ADARB2: variants seen among roughly 807,000 people sequenced by gnomAD.
The protein encoded by ADARB2 is adenosine deaminase RNA specific B2 (inactive).
Under a neutral mutation model 62.2 loss-of-function variants are expected in ADARB2, and 25 were observed. That is an observed-to-expected ratio of 0.40 (90% CI 0.29 to 0.56). The LOEUF is 0.56. Among genes scored for constraint, ADARB2 ranks in the 20% least tolerant of loss-of-function variants. The pLI is 0.43. For missense variants in ADARB2, 1,071 were observed against 1,077.4 expected (o/e 0.99, Z 0.08); for synonymous variants, 572 against 500.8 (o/e 1.14, Z -1.90).
chr10:1,387,956 T>C (rs1002347213), intron 1 of ADARB2, among the ~76,000 whole-genome samples: 3 of 152,014 alleles, frequency 2.0e-5, no homozygotes, highest in African/African-American at 7.2e-5. Context: ...AATCAATCAA[T>C]GTAATTCACA....
At chr10:1,481,643 G>C (rs879883445) in intron 1 of ADARB2, among the ~76,000 whole-genome samples, 6 of 152,074 alleles carry the variant, frequency 3.9e-5, no homozygotes, top group African/African-American at 1.4e-4. Context: ...CGGATCACGA[G>C]GTCAGGAGTT....
chr10:1,703,925 C>T (rs1164713643), intron 1 of ADARB2, among the ~76,000 whole-genome samples: 1 of 152,218 alleles, frequency 6.6e-6, no homozygotes, highest in Non-Finnish European at 1.5e-5. Flanking sequence ...GGGACTCACT[C>T]CTAAGAGGTG....
chr10:1,356,134 C>T (rs1308800734), intron 3 of ADARB2, among the ~76,000 whole-genome samples: 2 of 152,130 alleles, frequency 1.3e-5, no homozygotes, highest in African/African-American at 4.8e-5. Context: ...CTTTCACAGA[C>T]CCAGGACACG....
At chr10:1,587,420 G>A (rs893944529) in intron 1 of ADARB2, among the ~76,000 whole-genome samples, 3 of 152,100 alleles carry the variant, frequency 2.0e-5, no homozygotes, top group South Asian at 4.1e-4. Flanking sequence ...CTTGAAAAAT[G>A]AAAAAATGTT....
At position 1,460,794 on chromosome 10, in the gene ADARB2, A is replaced by T. The variant is rs774398688; in HGVS notation, c.101-81634T>A. 1.1e-4 allele frequency among the ~76,000 whole-genome samples: 12 copies of T among 111,024 alleles called. 1 individual carries two copies. Among genetic ancestry groups the T allele is most frequent in the African/African-American group, 1.2e-4 (3 of 24,106 alleles). The allele number at this position is 111,024 out of a possible 152,430, so 72.8% of individuals were successfully genotyped here. A position where few individuals can be genotyped will look rare whatever the true frequency, so the allele number is the denominator to read the frequency against. ...GCCTGTGACCTGAGTTTACCTGTGTAGCAAACCTGTCTGTGACCTGAGTTT... is the reference window on the plus strand; with the variant it reads ...GCCTGTGACCTGAGTTTACCTGTGTTGCAAACCTGTCTGTGACCTGAGTTT... On this transcript the variant is annotated intron_variant, in intron 1 of 9. Transcript: ENST00000381312.
At chr10:1,511,182 T>C (rs1831931809) in intron 1 of ADARB2, among the ~76,000 whole-genome samples, 1 of 151,786 alleles carries the variant, frequency 6.6e-6, no homozygotes, top group African/African-American at 2.4e-5. Context: ...ATTTTTGTGC[T>C]GCTGGGGTGG....
At chr10:1,366,917 G>C (rs1227274062) in intron 2 of ADARB2, among the ~76,000 whole-genome samples, 2 of 152,196 alleles carry the variant, frequency 1.3e-5, no homozygotes, top group African/African-American at 4.8e-5. Context: ...GGAAACTTGA[G>C]GCAATTTTTA....
At chr10:1,522,934 AC>A (rs2131952747) in intron 1 of ADARB2, among the ~76,000 whole-genome samples, 1 of 152,054 alleles carries the variant, frequency 6.6e-6, no homozygotes, top group East Asian at 1.9e-4. Flanking sequence ...CCTCTCTCTC[AC>A]CAGTGCGAGG....
At chr10:1,475,110 G>A (rs368317401) in intron 1 of ADARB2, among the ~76,000 whole-genome samples, 18 of 152,296 alleles carry the variant, frequency 1.2e-4, no homozygotes, top group African/African-American at 3.8e-4. Context: ...AGAAATCAAC[G>A]CGGCGTCGTC....
chr10:1,669,613 GACACACAGACACAAAC>G (rs1266061136), intron 1 of ADARB2, among the ~76,000 whole-genome samples: 3 of 145,576 alleles, frequency 2.1e-5, no homozygotes, highest in Admixed American at 6.9e-5. Context: ...CTCATACAGA[GACACACAGACACAAAC>G]ACACACAGAC....
chr10:1,501,069 T>A (rs1025896386), intron 1 of ADARB2, among the ~76,000 whole-genome samples: 2 of 152,116 alleles, frequency 1.3e-5, no homozygotes, highest in Non-Finnish European at 2.9e-5. Context: ...GAGACGGGGT[T>A]TCATCATGTT....
At chr10:1,474,331 A>T (rs539444678) in intron 1 of ADARB2, among the ~76,000 whole-genome samples, 29 of 152,164 alleles carry the variant, frequency 1.9e-4, no homozygotes, top group Non-Finnish European at 3.5e-4. Context: ...AGAGGACACC[A>T]GCTGCAGTTT....
At chr10:1,509,359 A>G (rs979747670) in intron 1 of ADARB2, among the ~76,000 whole-genome samples, 1 of 152,196 alleles carries the variant, frequency 6.6e-6, no homozygotes, top group Non-Finnish European at 1.5e-5. Context: ...CATGGGGACT[A>G]TAACCAATAA....
At chr10:1,634,243 C>T (rs1833887585) in intron 1 of ADARB2, among the ~76,000 whole-genome samples, 1 of 152,240 alleles carries the variant, frequency 6.6e-6, no homozygotes. Flanking sequence ...CCTAACCCAT[C>T]TGTGAGAACA....
intron 1 of ADARB2, among the ~76,000 whole-genome samples, chr10:1,631,856 T>C (rs1833847697): frequency 6.6e-6 from 1 of 152,238 alleles, no homozygotes; most frequent in South Asian, 2.1e-4. Flanking sequence ...AAATGTATAG[T>C]GTCATAGAAA....
chr10:1,576,345 T>C (rs1833021230), intron 1 of ADARB2, among the ~76,000 whole-genome samples: 1 of 141,464 alleles, frequency 7.1e-6, no homozygotes, highest in African/African-American at 2.7e-5. Context: ...AGGATGGGTC[T>C]CAGGGTCACA....
At chr10:1,651,900 C>A (rs533706074) in intron 1 of ADARB2, among the ~76,000 whole-genome samples, 1 of 152,102 alleles carries the variant, frequency 6.6e-6, no homozygotes, top group African/African-American at 2.4e-5. Context: ...CAGGAGAGAC[C>A]GCTATCTCCA....
chr10:1,286,907 T>C (rs1053264140), intron 3 of ADARB2, among the ~76,000 whole-genome samples: 7 of 152,206 alleles, frequency 4.6e-5, no homozygotes, highest in Admixed American at 3.3e-4. Context: ...CTGCTGTTGT[T>C]ATTGCCATTA....
At chr10:1,356,403 C>A (rs1249118022) in intron 3 of ADARB2, among the ~76,000 whole-genome samples, 1 of 152,192 alleles carries the variant, frequency 6.6e-6, no homozygotes, top group Non-Finnish European at 1.5e-5. Context: ...GGACCCACCC[C>A]CTGGAGGGCT....
Sources: gnomAD v4.1 joint callset for allele counts (sites outside exome capture counted in the v4.1 genomes callset) on GRCh38, gnomAD v4.1.1 for gene constraint, MANE v1.5 for transcripts, NCBI Gene and HGNC (gene_info 2026-07-23, HGNC 2026-07-21) for gene names.